The following ZNF804A variants were observed in gnomAD, a reference collection of about 807,000 sequenced individuals.
ZNF804A encodes zinc finger protein 804A.
In ZNF804A, 2 loss-of-function variants were observed where a neutral mutation model predicts 16.5. That is an observed-to-expected ratio of 0.12 (90% CI 0.05 to 0.38). The LOEUF is 0.38. ZNF804A is among the 10% of genes least tolerant of loss of function. The pLI, the probability that ZNF804A is intolerant of heterozygous loss-of-function variation, is 0.99. For synonymous variants in ZNF804A, 534 were observed against 489.6 expected (o/e 1.09, Z -1.20); for missense variants, 1,473 against 1,390.7 (o/e 1.06, Z -0.94).
intron 1 of ZNF804A, among the ~76,000 whole-genome samples, chr2:184,701,428 T>C (rs116227772): frequency 0.017 from 2,527 of 152,102 alleles, 85 homozygotes; most frequent in African/African-American, 0.056. Context: ...TTTGAATATA[T>C]ACCTTCTTTT....
At chr2:184,808,167 TTAA>T (rs1694839876) in intron 1 of ZNF804A, among the ~76,000 whole-genome samples, 1 of 151,598 alleles carries the variant, frequency 6.6e-6, no homozygotes, top group East Asian at 1.9e-4. Flanking sequence ...TACAGAAAGA[TTAA>T]TAATATGACT....
In ZNF804A at chr2:184,938,929, A is replaced by C; in HGVS notation, c.3533A>C (p.His1178Pro). Residue 1178 changes from histidine to proline, a missense_variant, in exon 4 of 4, where the codon CAT becomes CCT. His to Pro is a moderately conservative substitution (Grantham distance 77). Coordinates refer to ENST00000302277, the MANE Select transcript of ZNF804A (RefSeq NM_194250.2). ...CCAATCATTCCAGCTTCCGTTCTTCATCCTAGCCATCTGGCTTTCCCATCT... is the reference window on the plus strand; with the variant it reads ...CCAATCATTCCAGCTTCCGTTCTTCCTCCTAGCCATCTGGCTTTCCCATCT... ...QMPIIPASVL[H>P]PSHLAFPSLP... 1 of 1,613,724 alleles carries C rather than the reference A, an allele frequency of 6.2e-7. No individual in the cohort carries two copies. The highest frequency in any genetic ancestry group is 1.7e-4 in the Middle Eastern group (1 of 6,060).
chr2:184,916,110 A>G (rs1344108181), intron 2 of ZNF804A, among the ~76,000 whole-genome samples: 2 of 152,188 alleles, frequency 1.3e-5, no homozygotes, highest in African/African-American at 4.8e-5. Context: ...CTTCTCTACA[A>G]GGTAAAAATC....
At chr2:184,663,811 G>A (rs150420184) in intron 1 of ZNF804A, among the ~76,000 whole-genome samples, 4 of 152,262 alleles carry the variant, frequency 2.6e-5, no homozygotes, top group East Asian at 1.9e-4. Flanking sequence ...ATAGATTATA[G>A]CCCTCGTATG....
chr2:184,933,741 T>A lies in ZNF804A; in HGVS notation c.386+8T>A. The A allele has an allele frequency of 6.3e-7, 1 of 1,590,982 alleles. No individual in the cohort carries two copies. The highest frequency in any genetic ancestry group is 8.5e-7 in the Non-Finnish European group (1 of 1,173,708). On this transcript the variant is annotated splice_region_variant and intron_variant, in intron 3 of 3. Coordinates refer to ENST00000302277, the MANE Select transcript of ZNF804A (RefSeq NM_194250.2). ...AAGAAAGGAAACTGTATGGTGAGTA[T>A]CCAATGAAATTGTAAGTTTTCTTAA...
intron 1 of ZNF804A, among the ~76,000 whole-genome samples, chr2:184,616,292 G>A (rs1691317830): frequency 1.3e-5 from 2 of 151,792 alleles, no homozygotes. Context: ...ACCTCTTTTT[G>A]TTTCTGTTTC....
chr2:184,640,554 TAC>T (rs956197496), intron 1 of ZNF804A, among the ~76,000 whole-genome samples: 5 of 152,072 alleles, frequency 3.3e-5, no homozygotes, highest in Non-Finnish European at 7.4e-5. Flanking sequence ...TACAGAAAAC[TAC>T]AGACCAATAT....
rs542061623 is a variant in ZNF804A at position 184,730,156 on chromosome 2, A to C, written c.111+131086A>C. On this transcript the variant is annotated intron_variant, in intron 1 of 3. Coordinates refer to ENST00000302277, the MANE Select transcript of ZNF804A (RefSeq NM_194250.2). Reference sequence around the variant, plus strand: ...ATTCTTTAATTTTAATAAGCTTATAATATCCTCTAGGTAATTGATTATAAA... The same window carrying C: ...ATTCTTTAATTTTAATAAGCTTATACTATCCTCTAGGTAATTGATTATAAA... Among the ~76,000 whole-genome samples, 5 of 152,220 alleles carry C rather than the reference A, an allele frequency of 3.3e-5. No individual in the cohort carries two copies. In the East Asian group the frequency reaches 9.7e-4, roughly 29 times the overall value.
intron 1 of ZNF804A, among the ~76,000 whole-genome samples, chr2:184,804,679 T>C (rs1694776501): frequency 6.6e-6 from 1 of 151,850 alleles, no homozygotes; most frequent in Admixed American, 6.6e-5. Flanking sequence ...TTTATGAAAA[T>C]GTGTGGTAGG....
intron 1 of ZNF804A, among the ~76,000 whole-genome samples, chr2:184,789,468 TTTG>T (rs752770553): frequency 7.9e-5 from 12 of 152,064 alleles, no homozygotes; most frequent in African/African-American, 2.4e-4. Context: ...GGTCCTAGGC[TTTG>T]TTGTTGTTGT....
At chr2:184,768,325 C>T (rs1449887382) in intron 1 of ZNF804A, among the ~76,000 whole-genome samples, 2 of 151,994 alleles carry the variant, frequency 1.3e-5, no homozygotes, top group Non-Finnish European at 2.9e-5. Flanking sequence ...AACCTTTCCT[C>T]TGAAGATATC....
chr2:184,638,013 G>A (rs916442379), intron 1 of ZNF804A, among the ~76,000 whole-genome samples: 37 of 152,110 alleles, frequency 2.4e-4, no homozygotes, highest in African/African-American at 7.2e-4. Context: ...TGTCAGTATT[G>A]TAAAGAACCT....
At chr2:184,852,989 A>C (rs888015251) in intron 1 of ZNF804A, among the ~76,000 whole-genome samples, 1 of 151,814 alleles carries the variant, frequency 6.6e-6, no homozygotes, top group South Asian at 2.1e-4. Context: ...ATGTCATTGG[A>C]ATTGTATAAT....
intron 1 of ZNF804A, among the ~76,000 whole-genome samples, chr2:184,834,752 T>C (rs976186391): frequency 6.6e-6 from 1 of 152,148 alleles, no homozygotes; most frequent in Non-Finnish European, 1.5e-5. Context: ...AGAATATTTA[T>C]GATTGCTTTT....
chr2:184,716,338 A>G (rs1019245555), intron 1 of ZNF804A, among the ~76,000 whole-genome samples: 3 of 151,998 alleles, frequency 2.0e-5, no homozygotes, highest in African/African-American at 7.2e-5. Context: ...TTTATCTAAT[A>G]TTTTGATATA....
intron 1 of ZNF804A, among the ~76,000 whole-genome samples, chr2:184,789,649 ATCT>A (rs1166663055): frequency 6.6e-6 from 1 of 151,826 alleles, no homozygotes; most frequent in African/African-American, 2.4e-5. Context: ...ATCTCTGATG[ATCT>A]TTTGCATTTC....
At chr2:184,933,929 C>T (rs1039524709) in intron 3 of ZNF804A, among the ~76,000 whole-genome samples, 196 bp downstream of exon 3, 2 of 151,808 alleles carry the variant, frequency 1.3e-5, no homozygotes, top group South Asian at 4.2e-4. Flanking sequence ...ATGCACATTT[C>T]AGTAAAAAGC....
At chr2:184,630,351 T>C (rs189812848) in intron 1 of ZNF804A, among the ~76,000 whole-genome samples, 3,072 of 152,262 alleles carry the variant, frequency 0.02, 120 homozygotes, top group African/African-American at 0.069. Flanking sequence ...CCAGGATGTC[T>C]CCTGGCTCCT....
At position 184,935,864 on chromosome 2, in the gene ZNF804A, T is replaced by A. The variant is rs1685775788; in HGVS notation, c.468T>A (p.Val156=). The change falls in exon 4 of 4, where the codon GTT becomes GTA. Residue 156 remains valine, a synonymous_variant. Coordinates refer to ENST00000302277, the MANE Select transcript of ZNF804A (RefSeq NM_194250.2). The part of the protein sequence containing the change: ...ENCNEISQRV[V]VDSVNNQQDF... ...GTAATGAAATTTCCCAACGAGTTGT[T>A]GTGGATTCAGTTAATAACCAGCAAG... The A allele has an allele frequency of 6.2e-7, 1 of 1,613,882 alleles. No homozygotes were observed. The highest frequency in any genetic ancestry group is 8.5e-7 in the Non-Finnish European group (1 of 1,179,886).
Sources: allele counts gnomAD v4.1 joint callset (sites outside exome capture counted in the v4.1 genomes callset), GRCh38; gene constraint gnomAD v4.1.1; transcripts MANE v1.5; gene names NCBI Gene and HGNC (gene_info 2026-07-23, HGNC 2026-07-21).